PACC1: variants seen among roughly 807,000 people sequenced by gnomAD.
The protein encoded by PACC1 is proton-activated chloride channel.
A neutral mutation model predicts 39.7 loss-of-function variants in PACC1; 34 were observed. The observed-to-expected ratio is 0.86, with a 90% CI of 0.65 to 1.14. PACC1 has a LOEUF of 1.14. Ranked by LOEUF, PACC1 falls within the 50% of genes most tolerant of loss-of-function variation. The probability of loss-of-function intolerance (pLI) is 0.00; values close to 1 mark genes in which losing one functional copy is unlikely to be tolerated. For synonymous variants in PACC1, 127 were observed against 160.6 expected, an observed-to-expected ratio of 0.79 and a Z score of 1.58; for missense variants, 379 against 436.4, an observed-to-expected ratio of 0.87 and a Z score of 1.17.
Position 212,364,146 on chromosome 1 carries a change from T to C in PACC1, c.*1069A>G, listed in dbSNP as rs1184316067. ...ACCTTAATGTGAAAAATAGACTTTT[T>C]TTTAATGCATACTCATTTCTGTCAA... On this transcript the variant is annotated 3_prime_UTR_variant, in exon 8 of 8. Coordinates refer to ENST00000261455, the MANE Select transcript of PACC1 (RefSeq NM_018252.3). 1 of 152,232 alleles carries C rather than the reference T, an allele frequency of 6.6e-6. No individual in the cohort carries two copies. The highest frequency in any genetic ancestry group is 6.5e-5 in the Admixed American group (1 of 15,288). 9.4% of individuals were successfully genotyped at this position (152,232 alleles called of 1,614,324 possible). A position where few individuals can be genotyped will look rare whatever the true frequency, so the allele number is the denominator to read the frequency against.
intron 2 of PACC1, among the ~76,000 whole-genome samples, chr1:212,396,717 A>G (rs550604202): frequency 6.6e-6 from 1 of 151,348 alleles, no homozygotes; most frequent in Non-Finnish European, 1.5e-5. Flanking sequence ...AAAAAAAAAA[A>G]AACCATCCCG....
Position 212,380,023 on chromosome 1 carries a change from A to G in PACC1, c.510T>C (p.Ile170=). The change falls in exon 5 of 8, where the codon ATT becomes ATC. Residue 170 remains isoleucine, a synonymous_variant. Coordinates refer to ENST00000261455, the MANE Select transcript of PACC1 (RefSeq NM_018252.3). ...TTTTCACTTCCCGGGGCCCCTGGAC[A>G]ATCAGGGCAGATTTCTGCAGAGAGA... is the stretch of plus-strand genomic sequence containing the variant. ...FSNQTVKSAL[I]VQGPREVKKR... 6.2e-7 allele frequency: 1 copy of G among 1,614,162 alleles called. No homozygotes were observed. The highest frequency in any genetic ancestry group is 8.5e-7 in the Non-Finnish European group (1 of 1,180,026).
intron 5 of PACC1, among the ~76,000 whole-genome samples, chr1:212,378,166 TG>T (rs1229627196): frequency 6.6e-6 from 1 of 152,136 alleles, no homozygotes; most frequent in Non-Finnish European, 1.5e-5. Context: ...GAGGGTTCCT[TG>T]GGGAGGTCTC....
chr1:212,393,372 T>C lies in PACC1; in HGVS notation c.134-6272A>G, dbSNP rs543794860. 1.4e-4 allele frequency among the ~76,000 whole-genome samples: 22 copies of C among 152,336 alleles called. No individual in the cohort carries two copies. The East Asian group carries it at 4.0e-3, about 28-fold the overall frequency. ...AAGGAAATGAAGGCAGAAATAAAGA[T>C]GTTCTTTGAAACCAATGAGAAGAAA... On this transcript the variant is annotated intron_variant, in intron 2 of 7. Transcript: ENST00000261455.
At chr1:212,385,724 G>A (rs1383739715) in intron 3 of PACC1, among the ~76,000 whole-genome samples, 1 of 152,156 alleles carries the variant, frequency 6.6e-6, no homozygotes, top group East Asian at 1.9e-4. Flanking sequence ...CTCCGAAGGA[G>A]TGTCTCTTGA....
In PACC1 at chr1:212,414,712, AACCTCGT is replaced by A. The variant is rs1662268506; in HGVS notation, c.36+3_36+9del. The A allele has an allele frequency of 6.2e-7, 1 of 1,612,566 alleles. No individual in the cohort carries two copies. The highest frequency in any genetic ancestry group is 2.2e-5 in the East Asian group (1 of 44,770). On this transcript the variant is annotated splice_donor_5th_base_variant and intron_variant, in intron 1 of 7. Transcript: ENST00000261455. Reference sequence around the variant, plus strand: ...CTCAAACTTCCCTTCCGTCTCTCACAACCTCGTACCTCCTGGTAGGATGTGGAGCGCT... The same window carrying A: ...CTCAAACTTCCCTTCCGTCTCTCACAACCTCCTGGTAGGATGTGGAGCGCT...
chr1:212,383,884 T>C (rs908978723), intron 4 of PACC1, among the ~76,000 whole-genome samples: 1 of 152,126 alleles, frequency 6.6e-6, no homozygotes, highest in Non-Finnish European at 1.5e-5. Flanking sequence ...TTCGCTTCTG[T>C]AGAGAATGGT....
At chr1:212,413,327 G>A (rs1302146729) in intron 1 of PACC1, among the ~76,000 whole-genome samples, 1 of 152,208 alleles carries the variant, frequency 6.6e-6, no homozygotes, top group African/African-American at 2.4e-5. Flanking sequence ...CCACTGTAGG[G>A]CTAAGCCACC....
At chr1:212,376,226 C>G (rs986038642) in intron 6 of PACC1, among the ~76,000 whole-genome samples, 2 of 152,188 alleles carry the variant, frequency 1.3e-5, no homozygotes, top group Non-Finnish European at 2.9e-5. Flanking sequence ...AGCTGAGCCT[C>G]AGCTTTGCCA....
At chr1:212,377,478 G>A (rs1452564087) in intron 6 of PACC1, 84 bp downstream of exon 6, 1 of 1,571,648 alleles carries the variant, frequency 6.4e-7, no homozygotes, top group East Asian at 2.2e-5. Context: ...GCTCAAAGGA[G>A]CCTTCTCTGC....
intron 7 of PACC1, among the ~76,000 whole-genome samples, chr1:212,374,094 A>T (rs1160812792): frequency 6.6e-6 from 1 of 151,778 alleles, no homozygotes; most frequent in Non-Finnish European, 1.5e-5. Context: ...AGATATCCGC[A>T]CTCCCATGTT....
rs1391538935 is a variant in PACC1, at chr1:212,365,483, G to A, written c.892-107C>T. 17 of 1,211,538 alleles carry A rather than the reference G, an allele frequency of 1.4e-5. No individual in the cohort carries two copies. In the Admixed American group the frequency reaches 4.6e-4, roughly 33 times the overall value. The allele number at this position is 1,211,538 out of a possible 1,614,324, so 75.0% of individuals were successfully genotyped here. On this transcript the variant is annotated intron_variant, in intron 7 of 7. Coordinates refer to ENST00000261455, the MANE Select transcript of PACC1 (RefSeq NM_018252.3). ...TTTCGCTCTTGTCACCCAGGCTTGT[G>A]TGCGTGGCGCAATCTCGGCTCAGTG...
At chr1:212,401,990 T>C (rs1222508039) in intron 2 of PACC1, among the ~76,000 whole-genome samples, 2 of 152,312 alleles carry the variant, frequency 1.3e-5, no homozygotes, top group East Asian at 3.9e-4. Flanking sequence ...CTCATTCTTT[T>C]ATTGTCAAAT....
intron 3 of PACC1, among the ~76,000 whole-genome samples, chr1:212,385,899 T>TA (rs1222873895): frequency 1.3e-5 from 2 of 152,154 alleles, no homozygotes; most frequent in Non-Finnish European, 2.9e-5. Context: ...CAGGCACCTC[T>TA]ACTGACAGTA....
At chr1:212,385,533 C>G (rs1314060560) in intron 3 of PACC1, 108 bp from the exon 4 acceptor site, 9 of 1,218,746 alleles carry the variant, frequency 7.4e-6, no homozygotes, top group Non-Finnish European at 1.1e-5. Context: ...CCCTGGAGGA[C>G]TGCAGGGAAG....
At chr1:212,376,076 G>C (rs1660655374) in intron 6 of PACC1, among the ~76,000 whole-genome samples, 1 of 152,104 alleles carries the variant, frequency 6.6e-6, no homozygotes, top group African/African-American at 2.4e-5. Flanking sequence ...ACACAGCTGA[G>C]CATTCCCTGT....
intron 2 of PACC1, among the ~76,000 whole-genome samples, chr1:212,398,810 G>C (rs1446885129): frequency 2.0e-5 from 3 of 152,074 alleles, no homozygotes; most frequent in Non-Finnish European, 2.9e-5. Context: ...GTCCTTCTCC[G>C]TGAGTCTTGC....
chr1:212,398,124 A>T (rs781122153), intron 2 of PACC1, among the ~76,000 whole-genome samples: 1 of 152,206 alleles, frequency 6.6e-6, no homozygotes, highest in Non-Finnish European at 1.5e-5. Context: ...AAAGAAACAG[A>T]ATGTACCCTC....
chr1:212,412,888 T>C (rs990490573), intron 1 of PACC1, among the ~76,000 whole-genome samples: 2 of 152,280 alleles, frequency 1.3e-5, no homozygotes, highest in South Asian at 2.1e-4. Context: ...CCAACTTATC[T>C]AATCCCCAAA....
Sources: gnomAD v4.1 joint callset for allele counts (sites outside exome capture counted in the v4.1 genomes callset) on GRCh38, gnomAD v4.1.1 for gene constraint, MANE v1.5 for transcripts, NCBI Gene and HGNC (gene_info 2026-07-23, HGNC 2026-07-21) for gene names.